The following CORO2B variants were observed in gnomAD, a reference collection of about 807,000 sequenced individuals.
The protein encoded by CORO2B is coronin-2B.
CORO2B carries 26 observed loss-of-function variants against 58.8 expected under a neutral mutation model. The ratio of observed to expected loss-of-function variants is 0.44; its 90% CI spans 0.32 to 0.61. The LOEUF (loss-of-function observed/expected upper bound fraction) is 0.61, where lower values mean the gene tolerates loss of function less well. Among genes scored for constraint, CORO2B ranks in the 20% least tolerant of loss-of-function variants. The probability of loss-of-function intolerance (pLI) is 0.04; values close to 1 mark genes in which losing one functional copy is unlikely to be tolerated. For synonymous variants in CORO2B, 242 were observed against 253.8 expected (o/e 0.95, Z 0.44); for missense variants, 460 against 645.1 (o/e 0.71, Z 3.11).
intron 2 of CORO2B, among the ~76,000 whole-genome samples, chr15:68,651,010 A>G (rs1901623846): frequency 6.6e-6 from 1 of 152,098 alleles, no homozygotes; most frequent in African/African-American, 2.4e-5. Context: ...ACACCTGAAT[A>G]TGGGCTCGCG....
chr15:68,642,049 T>TTC (rs1352160811), intron 1 of CORO2B, among the ~76,000 whole-genome samples: 1 of 149,606 alleles, frequency 6.7e-6, no homozygotes, highest in Non-Finnish European at 1.5e-5. Flanking sequence ...TTTTTTTTTT[T>TTC]TTTTTGAGAC....
At chr15:68,724,616 C>G (rs1224980398) in intron 11 of CORO2B, among the ~76,000 whole-genome samples, 1 of 152,180 alleles carries the variant, frequency 6.6e-6, no homozygotes, top group Non-Finnish European at 1.5e-5. Context: ...GTTTTTTTAG[C>G]ATCATCTTTA....
chr15:68,684,779 T>TGCAA (rs1317656119), intron 2 of CORO2B, among the ~76,000 whole-genome samples: 1 of 152,186 alleles, frequency 6.6e-6, no homozygotes, highest in Non-Finnish European at 1.5e-5. Flanking sequence ...GTGTTGAGGG[T>TGCAA]TGTGCAAATG....
At chr15:68,704,570 G>T (rs1892738529) in intron 3 of CORO2B, among the ~76,000 whole-genome samples, 1 of 152,092 alleles carries the variant, frequency 6.6e-6, no homozygotes, top group Admixed American at 6.6e-5. Flanking sequence ...TCTCCCACGT[G>T]CAGGGACAGT....
the CORO2B span, among the ~76,000 whole-genome samples, chr15:68,552,478 G>GT: frequency 3.1e-4 from 2 of 6,524 alleles, no homozygotes; most frequent in African/African-American, 8.0e-4. Flanking sequence ...GCGGGGGGGT[G>GT]GGGGGGGCAG....
At chr15:68,555,070 G>A in the CORO2B span, among the ~76,000 whole-genome samples, 27 of 152,284 alleles carry the variant, frequency 1.8e-4, no homozygotes, top group Admixed American at 5.2e-4. Context: ...CATCAAGGCA[G>A]GCCAACATGT....
intron 2 of CORO2B, among the ~76,000 whole-genome samples, chr15:68,652,996 C>G (rs2140279602): frequency 6.6e-6 from 1 of 152,340 alleles, no homozygotes; most frequent in East Asian, 1.9e-4. Flanking sequence ...CTCTGATGAG[C>G]TGACACCCCA....
At chr15:68,705,035 C>T (rs1211385016) in intron 3 of CORO2B, among the ~76,000 whole-genome samples, 1 of 152,180 alleles carries the variant, frequency 6.6e-6, no homozygotes, top group Non-Finnish European at 1.5e-5. Context: ...CTCAGGCCCA[C>T]TGTGAACTCC....
chr15:68,622,191 C>A (rs1900543395), intron 1 of CORO2B, among the ~76,000 whole-genome samples: 1 of 152,140 alleles, frequency 6.6e-6, no homozygotes, highest in Non-Finnish European at 1.5e-5. Flanking sequence ...GTAGTGGGTG[C>A]TCGGTACATT....
chr15:68,726,544 A>G lies in CORO2B; in HGVS notation c.*570A>G, dbSNP rs67621638. ...GCTCCTTTCTGTCTCTTCCCTTCCCACCCTCTTGTCTTCAGGGAATTCAGA... is the reference window on the plus strand; with the variant it reads ...GCTCCTTTCTGTCTCTTCCCTTCCCGCCCTCTTGTCTTCAGGGAATTCAGA... On this transcript the variant is annotated 3_prime_UTR_variant, in exon 12 of 12. Transcript: ENST00000261861. 46,432 of 156,634 alleles carry G rather than the reference A, an allele frequency of 0.3. 7,385 individuals are homozygous for G. Among genetic ancestry groups the G allele is most frequent in the Admixed American group, 0.42 (6,471 of 15,326 alleles). The allele number at this position is 156,634 out of a possible 1,614,324, so 9.7% of individuals were successfully genotyped here.
chr15:68,609,990 C>T (rs2140244872), intron 1 of CORO2B, among the ~76,000 whole-genome samples: 1 of 152,328 alleles, frequency 6.6e-6, no homozygotes, highest in African/African-American at 2.4e-5. Context: ...CTCCCCTCTA[C>T]CCACCCTCCT....
chr15:68,633,973 G>A (rs554584895), intron 1 of CORO2B, among the ~76,000 whole-genome samples: 53 of 152,368 alleles, frequency 3.5e-4, no homozygotes, highest in African/African-American at 1.1e-3. Flanking sequence ...CTCTGAACAC[G>A]GGATCCCGGT....
At chr15:68,539,091 T>C in the CORO2B span, among the ~76,000 whole-genome samples, 1 of 152,200 alleles carries the variant, frequency 6.6e-6, no homozygotes, top group Non-Finnish European at 1.5e-5. Flanking sequence ...TCTAGAGGCA[T>C]AGGAGACAGT....
chr15:68,541,285 G>A, the CORO2B span, among the ~76,000 whole-genome samples: 1 of 151,680 alleles, frequency 6.6e-6, no homozygotes, highest in African/African-American at 2.4e-5. Flanking sequence ...TTATAACTAA[G>A]GACCATAATG....
the CORO2B span, among the ~76,000 whole-genome samples, chr15:68,549,490 C>T: frequency 6.6e-6 from 1 of 152,190 alleles, no homozygotes; most frequent in Non-Finnish European, 1.5e-5. Context: ...ACTTCCAGCT[C>T]CTTCCCTCCT....
At chr15:68,525,472 G>A in the CORO2B span, among the ~76,000 whole-genome samples, 1 of 152,216 alleles carries the variant, frequency 6.6e-6, no homozygotes, top group Non-Finnish European at 1.5e-5. Context: ...GGCTTTGTAA[G>A]TTACCCAGCT....
At chr15:68,723,363 C>A (rs1209810677) in intron 11 of CORO2B, among the ~76,000 whole-genome samples, 1 of 151,498 alleles carries the variant, frequency 6.6e-6, no homozygotes, top group Non-Finnish European at 1.5e-5. Flanking sequence ...CTCAGGTGAT[C>A]CACCTGCCTC....
chr15:68,721,112 C>T (rs965041803), intron 11 of CORO2B, among the ~76,000 whole-genome samples: 4 of 151,908 alleles, frequency 2.6e-5, no homozygotes, highest in African/African-American at 7.2e-5. Context: ...GAACTCCTGA[C>T]CTTAGGTGAT....
chr15:68,556,617 TCA>T, the CORO2B span, among the ~76,000 whole-genome samples: 1 of 152,224 alleles, frequency 6.6e-6, no homozygotes, highest in Non-Finnish European at 1.5e-5. Flanking sequence ...TGAAGCCCAG[TCA>T]CAAACTCAGG....
Sources: allele counts gnomAD v4.1 joint callset (sites outside exome capture counted in the v4.1 genomes callset), GRCh38; gene constraint gnomAD v4.1.1; transcripts MANE v1.5; gene names NCBI Gene and HGNC (gene_info 2026-07-23, HGNC 2026-07-21).